ZFYVE28: variants seen among roughly 807,000 people sequenced by gnomAD.
The protein encoded by ZFYVE28 is zinc finger FYVE-type containing 28.
In ZFYVE28, 40 loss-of-function variants were observed where a neutral mutation model predicts 82.1. The ratio of observed to expected loss-of-function variants is 0.49; its 90% CI spans 0.38 to 0.63. The LOEUF (loss-of-function observed/expected upper bound fraction) is 0.63, where lower values mean the gene tolerates loss of function less well. Ranked by LOEUF, ZFYVE28 falls within the 30% of genes least tolerant of loss-of-function variation. The pLI, the probability that ZFYVE28 is intolerant of heterozygous loss-of-function variation, is 0.00. For missense variants in ZFYVE28, 1,321 were observed against 1,242.1 expected (o/e 1.06, Z -0.96); for synonymous variants, 612 against 546.1 (o/e 1.12, Z -1.68).
intron 2 of ZFYVE28, among the ~76,000 whole-genome samples, chr4:2,345,896 G>A (rs546578016): frequency 2.0e-4 from 30 of 152,144 alleles, no homozygotes; most frequent in Non-Finnish European, 4.0e-4. Flanking sequence ...CATCTTTAAA[G>A]TATTAAGGGG....
chr4:2,350,034 GACACACACAC>G (rs71644325), intron 2 of ZFYVE28, among the ~76,000 whole-genome samples: 4 of 148,826 alleles, frequency 2.7e-5, no homozygotes, highest in African/African-American at 7.4e-5. Flanking sequence ...GTGACACACA[GACACACACAC>G]ACACACACAC....
chr4:2,377,301 G>C (rs796413776), intron 1 of ZFYVE28, among the ~76,000 whole-genome samples: 1 of 90,926 alleles, frequency 1.1e-5, no homozygotes, highest in Non-Finnish European at 2.3e-5. Context: ...AATTACAGGC[G>C]TTGAGCCACT....
chr4:2,392,250 A>G (rs74935113), intron 1 of ZFYVE28, among the ~76,000 whole-genome samples: 354 of 152,074 alleles, frequency 2.3e-3, no homozygotes, highest in African/African-American at 8.2e-3. Context: ...TCCCTGAGGG[A>G]GAAACCATCC....
At position 2,270,630 on chromosome 4, in the gene ZFYVE28, G is replaced by A. The variant is rs1006791242; in HGVS notation, c.*95C>T. The A allele has an allele frequency of 2.8e-4, 438 of 1,549,732 alleles. 1 individual carries two copies. The highest frequency in any genetic ancestry group is 3.7e-4 in the Middle Eastern group (2 of 5,348). On this transcript the variant is annotated 3_prime_UTR_variant, in exon 13 of 13. Transcript: ENST00000290974. ...TGGGTGCCCCTGCAGCAGCGGCAGC[G>A]GCCTCATGAGACGCAGTGAGACCTG...
At chr4:2,274,325 C>G in intron 8 of ZFYVE28, 109 bp from the exon 9 acceptor site, 1 of 1,355,458 alleles carries the variant, frequency 7.4e-7, no homozygotes, top group Admixed American at 2.7e-5. Flanking sequence ...GACGCTCACC[C>G]CACAGGCGTG....
chr4:2,276,199 G>A (rs1474397731), intron 8 of ZFYVE28, among the ~76,000 whole-genome samples: 1 of 149,840 alleles, frequency 6.7e-6, no homozygotes, highest in Non-Finnish European at 1.5e-5. Flanking sequence ...CCTCCCTCAT[G>A]GCAATGTGCT....
intron 8 of ZFYVE28, among the ~76,000 whole-genome samples, chr4:2,283,438 C>G (rs1712245321): frequency 7.3e-6 from 1 of 137,156 alleles, no homozygotes; most frequent in Non-Finnish European, 1.6e-5. Flanking sequence ...CACCCATCCA[C>G]TCATCCATCC....
At chr4:2,296,698 C>T (rs890180820) in intron 8 of ZFYVE28, among the ~76,000 whole-genome samples, 1 of 152,138 alleles carries the variant, frequency 6.6e-6, no homozygotes, top group East Asian at 1.9e-4. Flanking sequence ...CCGTGTGAGC[C>T]TCCCAGTGAG....
At chr4:2,319,938 A>C (rs1050673516) in intron 7 of ZFYVE28, among the ~76,000 whole-genome samples, 6 of 152,162 alleles carry the variant, frequency 3.9e-5, no homozygotes, top group Admixed American at 2.0e-4. Flanking sequence ...TCACTCCCCC[A>C]GCTCAGCCCA....
At chr4:2,356,420 TGTGCCCGCCCCCTCCCCGGCCGTTG>T in intron 1 of ZFYVE28, among the ~76,000 whole-genome samples, 1 of 22,758 alleles carries the variant, frequency 4.4e-5, no homozygotes. Context: ...CGGCAGTTGG[TGTGCCCGCCCCCTCCCCGGCCGTTG>T]ATGTGCCTGC....
chr4:2,314,495 T>G (rs1281961445), intron 7 of ZFYVE28, among the ~76,000 whole-genome samples: 2 of 152,258 alleles, frequency 1.3e-5, no homozygotes, highest in Non-Finnish European at 2.9e-5. Flanking sequence ...TTACCTTATT[T>G]TGGATGTTTT....
At chr4:2,321,489 G>A (rs73797720) in intron 6 of ZFYVE28, among the ~76,000 whole-genome samples, 3,030 of 152,240 alleles carry the variant, frequency 0.02, 104 homozygotes, top group African/African-American at 0.069. Context: ...CTGGGCAGGG[G>A]GCTGTGTCTT....
chr4:2,318,373 C>A (rs1718534816), intron 7 of ZFYVE28, among the ~76,000 whole-genome samples: 1 of 152,202 alleles, frequency 6.6e-6, no homozygotes, highest in Non-Finnish European at 1.5e-5. Flanking sequence ...GCCTGACCAG[C>A]ATGGTGAAAC....
Position 2,335,918 on chromosome 4 carries a change from A to G in ZFYVE28, c.612-124T>C. On this transcript the variant is annotated intron_variant, in intron 5 of 12. Coordinates refer to ENST00000290974, the MANE Select transcript of ZFYVE28 (RefSeq NM_020972.3). This position sits in a 1 kb window ranked among gnomAD's most constrained non-coding sequence, Gnocchi z 5.8. ...GCAGCCACGCGTGGTGGCCACGTCA[A>G]GAGGTGACACATGCCACCCCCAGTC... 1.3e-6 allele frequency: 1 copy of G among 748,258 alleles called. No individual in the cohort carries two copies. Among genetic ancestry groups the G allele is most frequent in the Non-Finnish European group, 2.3e-6 (1 of 438,108 alleles). 46.4% of individuals were successfully genotyped at this position (748,258 alleles called of 1,614,324 possible).
At chr4:2,322,101 T>C (rs1719169846) in intron 6 of ZFYVE28, among the ~76,000 whole-genome samples, 1 of 152,258 alleles carries the variant, frequency 6.6e-6, no homozygotes, top group South Asian at 2.1e-4. Context: ...CCACAGTGGC[T>C]GAGCCCTGCT....
intron 6 of ZFYVE28, among the ~76,000 whole-genome samples, chr4:2,321,593 G>A (rs1014628831): frequency 1.2e-4 from 19 of 152,040 alleles, no homozygotes; most frequent in Admixed American, 9.2e-4. Context: ...CTGATTGAAC[G>A]AACAGTATTC....
At chr4:2,351,997 C>T (rs1273996275) in intron 2 of ZFYVE28, among the ~76,000 whole-genome samples, 1 of 152,152 alleles carries the variant, frequency 6.6e-6, no homozygotes. Flanking sequence ...TTCCAGGACC[C>T]CCAGCGTATA....
chr4:2,342,048 C>T (rs59227130), intron 2 of ZFYVE28, among the ~76,000 whole-genome samples: 2 of 152,168 alleles, frequency 1.3e-5, no homozygotes, highest in Admixed American at 6.5e-5. Context: ...GACTCTCAGT[C>T]GGCTGGGGAC....
Position 2,305,181 on chromosome 4 carries a change from T to C in ZFYVE28, c.1159A>G (p.Arg387Gly), listed in dbSNP as rs550680839. 3.1e-6 allele frequency: 5 copies of C among 1,597,574 alleles called. No homozygotes were observed. Among genetic ancestry groups the C allele is most frequent in the Non-Finnish European group, 4.3e-6 (5 of 1,169,556 alleles). The change falls in exon 8 of 13, where the codon AGA becomes GGA. Residue 387 changes from arginine (R) to glycine (G), a missense_variant. By Grantham distance (125) the Arg-to-Gly change is moderately radical. This residue lies in a region of ZFYVE28 where 978 missense variants were observed against 833.7 expected (regional missense o/e 1.17). Coordinates refer to ENST00000290974, the MANE Select transcript of ZFYVE28 (RefSeq NM_020972.3). The stretch of plus-strand genomic sequence containing the variant: ...TCACTGCCTGACCGCAGGCGCGGTC[T>C]ACCTGGAGAGGCCTCCCCGCCTGGG... ...GSPGGEASPG[R>G]PRLRSGSDEE...
Sources: allele counts gnomAD v4.1 joint callset (sites outside exome capture counted in the v4.1 genomes callset), GRCh38; gene constraint gnomAD v4.1.1; regional missense constraint gnomAD v4.1.1; non-coding constraint Gnocchi (gnomAD v3.1); transcripts MANE v1.5; gene names NCBI Gene and HGNC (gene_info 2026-07-23, HGNC 2026-07-21).